Variants in BTC observed in about 807,000 individuals in gnomAD.
The protein encoded by BTC is betacellulin.
BTC carries 13 observed loss-of-function variants against 18.1 expected under a neutral mutation model. The ratio of observed to expected loss-of-function variants is 0.72; its 90% CI spans 0.47 to 1.14. BTC has a LOEUF of 1.14. Ranked by LOEUF, BTC falls within the 50% of genes most tolerant of loss-of-function variation. The probability of loss-of-function intolerance (pLI) is 0.00; values close to 1 mark genes in which losing one functional copy is unlikely to be tolerated. For missense variants in BTC, 247 were observed against 224.2 expected (o/e 1.10, Z -0.65); for synonymous variants, 83 against 79.4 (o/e 1.05, Z -0.24).
chr4:74,767,454 T>C (rs1021325942), intron 2 of BTC, among the ~76,000 whole-genome samples: 1 of 151,914 alleles, frequency 6.6e-6, no homozygotes, highest in Non-Finnish European at 1.5e-5. Flanking sequence ...TAAAAAGACA[T>C]CCTGTTTTTC....
At chr4:74,775,414 G>A (rs976499686) in intron 1 of BTC, among the ~76,000 whole-genome samples, 60 of 152,158 alleles carry the variant, frequency 3.9e-4, no homozygotes, top group African/African-American at 1.3e-3. Flanking sequence ...AGGAAAATAT[G>A]ATACTCAGCT....
At chr4:74,758,078 AGAG>A (rs1371282980) in intron 2 of BTC, among the ~76,000 whole-genome samples, 1 of 152,204 alleles carries the variant, frequency 6.6e-6, no homozygotes, top group Non-Finnish European at 1.5e-5. Context: ...TGTAGATTTT[AGAG>A]GAGGTGAACA....
At chr4:74,788,077 C>T (rs28624565) in intron 1 of BTC, among the ~76,000 whole-genome samples, 26,896 of 152,042 alleles carry the variant, frequency 0.18, 3,911 homozygotes, top group African/African-American at 0.41. Context: ...TATCTTGTAA[C>T]AAAAAGCATG....
At chr4:74,761,481 C>T (rs1724756711) in intron 2 of BTC, among the ~76,000 whole-genome samples, 1 of 152,208 alleles carries the variant, frequency 6.6e-6, no homozygotes, top group African/African-American at 2.4e-5. Context: ...CATCATCCCT[C>T]ACTCCCAACT....
At chr4:74,788,133 T>C (rs1220241528) in intron 1 of BTC, among the ~76,000 whole-genome samples, 7 of 152,226 alleles carry the variant, frequency 4.6e-5, no homozygotes, top group Admixed American at 4.6e-4. Flanking sequence ...TCCTAGGATA[T>C]CCTGCAGAGA....
intron 2 of BTC, 75 bp downstream of exon 2, chr4:74,769,983 T>C (rs1402680357): frequency 1.6e-6 from 2 of 1,223,064 alleles, no homozygotes; most frequent in East Asian, 4.7e-5. Flanking sequence ...TTCAAATGTT[T>C]ACCTAGTATT....
intron 2 of BTC, among the ~76,000 whole-genome samples, chr4:74,769,332 G>A (rs1724980758): frequency 6.6e-6 from 1 of 152,104 alleles, no homozygotes; most frequent in South Asian, 2.1e-4. Context: ...TAGACCAGGG[G>A]TCAGCAAACT....
intron 1 of BTC, among the ~76,000 whole-genome samples, chr4:74,775,176 C>T (rs377508841): frequency 7.2e-4 from 110 of 152,226 alleles, no homozygotes; most frequent in African/African-American, 2.5e-3. Flanking sequence ...AGATCCACAA[C>T]TTTGGAGCAA....
At chr4:74,755,411 G>C (rs782766292) in intron 3 of BTC, among the ~76,000 whole-genome samples, 1 of 152,168 alleles carries the variant, frequency 6.6e-6, no homozygotes, top group Non-Finnish European at 1.5e-5. Context: ...AACAGGCTTC[G>C]CTAATCTCTT....
rs1724372743 is a variant in BTC at position 74,748,970 on chromosome 4, A to G, written c.429-821T>C. 3.3e-5 allele frequency among the ~76,000 whole-genome samples: 5 copies of G among 152,290 alleles called. No individual in the cohort carries two copies. In the South Asian group the frequency reaches 1.0e-3, roughly 32 times the overall value. The stretch of plus-strand genomic sequence containing the variant: ...TAAACCTGGCATAATATTTCTTCCT[A>G]CCTTAAAGTAGGTAAAATAAAAATA... On this transcript the variant is annotated intron_variant, in intron 4 of 5. Coordinates refer to ENST00000395743, the MANE Select transcript of BTC (RefSeq NM_001729.4).
chr4:74,764,669 CT>C (rs1389409573), intron 2 of BTC, among the ~76,000 whole-genome samples: 2 of 152,050 alleles, frequency 1.3e-5, no homozygotes, highest in Non-Finnish European at 2.9e-5. Context: ...AAAATAATGT[CT>C]TTTGTAGCAA....
intron 2 of BTC, among the ~76,000 whole-genome samples, chr4:74,763,067 C>T (rs1724805575): frequency 6.6e-6 from 1 of 152,084 alleles, no homozygotes; most frequent in South Asian, 2.1e-4. Flanking sequence ...AACATTTGTC[C>T]ACACATAGAC....
At chr4:74,759,039 C>CT (rs1369798092) in intron 2 of BTC, among the ~76,000 whole-genome samples, 30 of 151,992 alleles carry the variant, frequency 2.0e-4, no homozygotes, top group East Asian at 1.4e-3. Flanking sequence ...TATCAGCATT[C>CT]TTTTTTTTGA....
chr4:74,763,181 A>G lies in BTC; in HGVS notation c.163+6877T>C, dbSNP rs553121659. On this transcript the variant is annotated intron_variant, in intron 2 of 5. Coordinates refer to ENST00000395743, the MANE Select transcript of BTC (RefSeq NM_001729.4). ...TGCCCGAAAAAATTCTATATCCTAT[A>G]CAGAAAAATACTAAATAATTTTTTG... Among the ~76,000 whole-genome samples, 3 of 152,322 alleles carry G rather than the reference A, an allele frequency of 2.0e-5. No individual in the cohort carries two copies. The East Asian group carries it at 5.8e-4, about 29-fold the overall frequency.
At position 74,755,856 on chromosome 4, in the gene BTC, T is replaced by C. The variant is rs781860037; in HGVS notation, c.281+3A>G. Reference sequence around the variant, plus strand: ...GCTTGCTGGCTGAGGACACTCCACTTACACACAGGAGGGCGTCTGCTCGGC... The same window carrying C: ...GCTTGCTGGCTGAGGACACTCCACTCACACACAGGAGGGCGTCTGCTCGGC... On this transcript the variant is annotated splice_donor_region_variant and intron_variant, in intron 3 of 5. Transcript: ENST00000395743. 3 of 1,613,702 alleles carry C rather than the reference T, an allele frequency of 1.9e-6. No individual in the cohort carries two copies. Among genetic ancestry groups the C allele is most frequent in the Non-Finnish European group, 2.5e-6 (3 of 1,179,748 alleles).
At chr4:74,773,768 T>A (rs1264392317) in intron 1 of BTC, among the ~76,000 whole-genome samples, 1 of 152,018 alleles carries the variant, frequency 6.6e-6, no homozygotes, top group Non-Finnish European at 1.5e-5. Context: ...CCTGCCACCA[T>A]GCCTGGCTAA....
At chr4:74,755,701 T>C (rs1553956590) in intron 3 of BTC, among the ~76,000 whole-genome samples, 158 bp downstream of exon 3, 1 of 152,212 alleles carries the variant, frequency 6.6e-6, no homozygotes, top group African/African-American at 2.4e-5. Context: ...CCATAAGTAG[T>C]TGCTGAGTGG....
intron 1 of BTC, among the ~76,000 whole-genome samples, chr4:74,791,737 G>A (rs28577058): frequency 0.23 from 35,319 of 152,038 alleles, 5,366 homozygotes; most frequent in African/African-American, 0.43. Context: ...ATCTACATTT[G>A]TAATAGACAT....
intron 2 of BTC, among the ~76,000 whole-genome samples, chr4:74,768,923 G>T (rs1724969032): frequency 3.3e-5 from 5 of 152,088 alleles, no homozygotes; most frequent in Admixed American, 3.3e-4. Context: ...AGTTGGCCTT[G>T]TTCTTCTGCC....
Sources: gnomAD v4.1 joint callset for allele counts (sites outside exome capture counted in the v4.1 genomes callset) on GRCh38, gnomAD v4.1.1 for gene constraint, MANE v1.5 for transcripts, NCBI Gene and HGNC (gene_info 2026-07-23, HGNC 2026-07-21) for gene names.